CMTM8: variants seen among roughly 807,000 people sequenced by gnomAD.
The protein encoded by CMTM8 is CKLF-like MARVEL transmembrane domain-containing protein 8.
CMTM8 carries 12 observed loss-of-function variants against 18.6 expected under a neutral mutation model. The ratio of observed to expected loss-of-function variants is 0.65; its 90% CI spans 0.41 to 1.05. CMTM8 has a LOEUF of 1.05. CMTM8 is among the 50% of genes least tolerant of loss of function. The probability of loss-of-function intolerance (pLI) is 0.00; values close to 1 mark genes in which losing one functional copy is unlikely to be tolerated. For missense variants in CMTM8, 217 were observed against 227.2 expected, an observed-to-expected ratio of 0.95 and a Z score of 0.29; for synonymous variants, 87 against 90.6, an observed-to-expected ratio of 0.96 and a Z score of 0.23.
chr3:32,273,017 T>C (rs1702461471), intron 1 of CMTM8, among the ~76,000 whole-genome samples: 1 of 152,142 alleles, frequency 6.6e-6, no homozygotes, highest in East Asian at 1.9e-4. Flanking sequence ...CATTAGTCTT[T>C]AGAGAAATAC....
At chr3:32,367,269 G>A (rs574148198) in intron 2 of CMTM8, among the ~76,000 whole-genome samples, 2 of 152,280 alleles carry the variant, frequency 1.3e-5, no homozygotes, top group East Asian at 3.9e-4. Flanking sequence ...TACCTACCGG[G>A]ACTTACATAT....
intron 1 of CMTM8, among the ~76,000 whole-genome samples, chr3:32,265,047 G>A (rs552942711): frequency 6.6e-6 from 1 of 152,198 alleles, no homozygotes; most frequent in African/African-American, 2.4e-5. Context: ...AGATCAACAA[G>A]ACACAAAGTT....
chr3:32,351,356 A>G (rs1051441057), intron 1 of CMTM8, among the ~76,000 whole-genome samples: 2 of 152,232 alleles, frequency 1.3e-5, no homozygotes, highest in Admixed American at 1.3e-4. Context: ...GAATGTTTTT[A>G]TAATCTTCTG....
intron 1 of CMTM8, among the ~76,000 whole-genome samples, chr3:32,334,612 A>T (rs1031724322): frequency 6.6e-6 from 1 of 152,060 alleles, no homozygotes; most frequent in African/African-American, 2.4e-5. Context: ...TCTCAAAAAA[A>T]AAAAAGTGAA....
At chr3:32,280,990 G>C (rs1702600365) in intron 1 of CMTM8, among the ~76,000 whole-genome samples, 1 of 151,660 alleles carries the variant, frequency 6.6e-6, no homozygotes, top group Non-Finnish European at 1.5e-5. Flanking sequence ...ATTCACACCA[G>C]ATCTTCCTGA....
intron 1 of CMTM8, among the ~76,000 whole-genome samples, chr3:32,355,092 G>A (rs1696789150): frequency 1.3e-5 from 2 of 152,182 alleles, no homozygotes; most frequent in South Asian, 4.1e-4. Context: ...CCCTGGCACA[G>A]GCACCAAAAC....
At chr3:32,324,103 C>T (rs964557932) in intron 1 of CMTM8, among the ~76,000 whole-genome samples, 1 of 152,132 alleles carries the variant, frequency 6.6e-6, no homozygotes, top group Non-Finnish European at 1.5e-5. Flanking sequence ...CTAGTTGAGT[C>T]GGCTGAGCTT....
intron 1 of CMTM8, among the ~76,000 whole-genome samples, chr3:32,341,307 C>T (rs186363993): frequency 9.8e-5 from 15 of 152,328 alleles, no homozygotes; most frequent in African/African-American, 3.6e-4. Context: ...TGAGAAGGGA[C>T]TGGCTGGTGG....
intron 1 of CMTM8, among the ~76,000 whole-genome samples, chr3:32,267,021 C>A (rs925074948): frequency 1.1e-3 from 174 of 152,266 alleles, no homozygotes; most frequent in Non-Finnish European, 2.1e-3. Flanking sequence ...AATGGCCATA[C>A]TGCCCAAGGT....
intron 1 of CMTM8, among the ~76,000 whole-genome samples, chr3:32,320,878 C>G (rs1696031297): frequency 6.6e-6 from 1 of 151,916 alleles, no homozygotes; most frequent in Non-Finnish European, 1.5e-5. Flanking sequence ...TTTGTTTGCC[C>G]CTATGATCTT....
At chr3:32,355,330 G>T (rs1275379113) in intron 1 of CMTM8, among the ~76,000 whole-genome samples, 1 of 152,132 alleles carries the variant, frequency 6.6e-6, no homozygotes, top group Non-Finnish European at 1.5e-5. Flanking sequence ...CTCTTCCATT[G>T]TTCCAACAGA....
intron 1 of CMTM8, among the ~76,000 whole-genome samples, chr3:32,276,929 C>A (rs1702530492): frequency 6.6e-6 from 1 of 151,962 alleles, no homozygotes; most frequent in Non-Finnish European, 1.5e-5. Context: ...ACTCTGTCAC[C>A]CAGGCTAGAG....
intron 1 of CMTM8, among the ~76,000 whole-genome samples, chr3:32,350,459 G>T (rs1182908861): frequency 6.6e-6 from 1 of 150,706 alleles, no homozygotes; most frequent in Non-Finnish European, 1.5e-5. Context: ...CCAGGTTCAA[G>T]CAATTCTTCT....
chr3:32,262,202 G>A (rs1453396259), intron 1 of CMTM8, among the ~76,000 whole-genome samples: 2 of 152,174 alleles, frequency 1.3e-5, no homozygotes, highest in African/African-American at 4.8e-5. Context: ...CGAGGAATGG[G>A]ACGCTGGGAT....
rs530685470 is a variant in CMTM8, at chr3:32,344,581, C to G, written c.148-12792C>G. ...ACCACAGGGAGTCCTCAGGGACAAA[C>G]TTATTGTCTTTCTGGATGATTTTAA... On this transcript the variant is annotated intron_variant, in intron 1 of 3. Transcript: ENST00000307526. Among the ~76,000 whole-genome samples, 9 of 152,300 alleles carry G rather than the reference C, an allele frequency of 5.9e-5. No homozygotes were observed. In the South Asian group the frequency reaches 1.9e-3, roughly 32 times the overall value.
rs188439747 is a variant in CMTM8, at chr3:32,259,709, G to A, written c.147+20590G>A. On this transcript the variant is annotated intron_variant, in intron 1 of 3. Coordinates refer to ENST00000307526, the MANE Select transcript of CMTM8 (RefSeq NM_178868.5). ...GGCAGACATCCAGGCCCAATATGAC[G>A]AGCTGGCTCGGAAGAACTGAGAGGA... The A allele has an allele frequency of 2.3e-4, 255 of 1,104,580 alleles. No homozygotes were observed. In the East Asian group the frequency reaches 4.7e-3, roughly 20 times the overall value. The allele number at this position is 1,104,580 out of a possible 1,614,324, so 68.4% of individuals were successfully genotyped here.
intron 1 of CMTM8, among the ~76,000 whole-genome samples, chr3:32,317,177 GGATT>G (rs1342230251): frequency 9.2e-5 from 14 of 152,124 alleles, no homozygotes; most frequent in Admixed American, 6.5e-5. Context: ...GTTGGTCGTA[GGATT>G]GACCTCAGGG....
intron 1 of CMTM8, among the ~76,000 whole-genome samples, chr3:32,333,145 T>C (rs1173452473): frequency 6.6e-6 from 1 of 152,238 alleles, no homozygotes; most frequent in Non-Finnish European, 1.5e-5. Context: ...CAACGACATA[T>C]GCAAATGAGT....
At position 32,369,936 on chromosome 3, in the gene CMTM8, T is replaced by A; in HGVS notation, c.491T>A (p.Phe164Tyr). 2 of 1,608,750 alleles carry A rather than the reference T, an allele frequency of 1.2e-6. No individual in the cohort carries two copies. Among genetic ancestry groups the A allele is most frequent in the Non-Finnish European group, 1.7e-6 (2 of 1,175,840 alleles). The part of the protein sequence containing the change: ...ICYAGNTYFS[F>Y]IAWRSRTIQ Reference sequence around the variant, plus strand: ...TACGCTGGAAATACATATTTCAGTTTTATAGCATGGAGATCCAGGACCATA... The same window carrying A: ...TACGCTGGAAATACATATTTCAGTTATATAGCATGGAGATCCAGGACCATA... Residue 164 changes from phenylalanine to tyrosine, a missense_variant, in exon 4 of 4, where the codon TTT becomes TAT. Physicochemically the swap from Phe to Tyr is conservative, Grantham distance 22. Coordinates refer to ENST00000307526, the MANE Select transcript of CMTM8 (RefSeq NM_178868.5).
Sources: allele counts gnomAD v4.1 joint callset (sites outside exome capture counted in the v4.1 genomes callset), GRCh38; gene constraint gnomAD v4.1.1; transcripts MANE v1.5; gene names NCBI Gene and HGNC (gene_info 2026-07-23, HGNC 2026-07-21).